The following PSG6 variants were observed in gnomAD, a reference collection of about 807,000 sequenced individuals.
PSG6 encodes the protein pregnancy-specific beta-1-glycoprotein 6.
In PSG6, 51 loss-of-function variants were observed where a neutral mutation model predicts 43.3. The observed-to-expected ratio is 1.18, with a 90% confidence interval of 0.94 to 1.49. The LOEUF is 1.49. Ranked by LOEUF, PSG6 falls within the 40% of genes most tolerant of loss-of-function variation. The probability of loss-of-function intolerance (pLI) is 0.00; values close to 1 mark genes in which losing one functional copy is unlikely to be tolerated. For synonymous variants in PSG6, 292 were observed against 197.6 expected, an observed-to-expected ratio of 1.48 and a Z score of -4.01; for missense variants, 770 against 522.2, an observed-to-expected ratio of 1.47 and a Z score of -4.62.
chr19:42,917,363 C>CT (rs35188962), intron 1 of PSG6, among the ~76,000 whole-genome samples: 7,258 of 123,282 alleles, frequency 0.059, 435 homozygotes, highest in African/African-American at 0.13. Flanking sequence ...TCTTTTTATT[C>CT]TTTTTTTTTT....
intron 1 of PSG6, 112 bp downstream of exon 1, chr19:42,917,617 C>A: frequency 6.1e-6 from 9 of 1,485,224 alleles, no homozygotes; most frequent in Non-Finnish European, 8.3e-6. Flanking sequence ...CCCACCTCAG[C>A]CTCCCTAAGT....
rs147725300 is a variant in PSG6, at chr19:42,910,681, T to C, written c.605A>G (p.Tyr202Cys). ...LQLSKTNRTL[Y>C]LFGVTKYIAG... ...AATATACTTTGTGACACCAAATAGA[T>C]AGAGGGTCCTGTTGGTTTTGGACAG... The change falls in exon 3 of 6, where the codon TAT becomes TGT. Residue 202 changes from tyrosine to cysteine, a missense_variant. Tyr to Cys is a radical substitution (Grantham distance 194). Coordinates refer to ENST00000187910, the MANE Select transcript of PSG6 (RefSeq NM_001031850.4). 1,632 of 1,612,324 alleles carry C rather than the reference T, an allele frequency of 1.0e-3. 34 individuals are homozygous for C. Among genetic ancestry groups the C allele is most frequent in the Non-Finnish European group, 1.2e-3 (1,383 of 1,179,238 alleles).
At chr19:42,903,844 A>T in intron 5 of PSG6, 2 of 1,277,638 alleles carry the variant, frequency 1.6e-6, no homozygotes, top group Non-Finnish European at 2.1e-6. Flanking sequence ...AGTGAGCCAT[A>T]ATCACACCAC....
Position 42,907,615 on chromosome 19 carries a change from C to A in PSG6, c.946G>T (p.Gly316Cys). Residue 316 changes from glycine to cysteine, a missense_variant, in exon 4 of 6, where the codon GGT becomes TGT. By Grantham distance (159) the Gly-to-Cys change is radical. Coordinates refer to ENST00000187910, the MANE Select transcript of PSG6 (RefSeq NM_001031850.4). ...PYQCEIRDRY[G>C]GIRSNPVTLN... ...GTGACTGGGTTACTGCGGATGCCACCATATCGGTCCCGTATTTCACATTGA... is the reference window on the plus strand; with the variant it reads ...GTGACTGGGTTACTGCGGATGCCACAATATCGGTCCCGTATTTCACATTGA... 1 of 1,611,940 alleles carries A rather than the reference C, an allele frequency of 6.2e-7. No individual in the cohort carries two copies. Among genetic ancestry groups the A allele is most frequent in the Non-Finnish European group, 8.5e-7 (1 of 1,179,120 alleles).
intron 4 of PSG6, 57 bp downstream of exon 4, chr19:42,907,519 C>G (rs1189552740): frequency 3.1e-6 from 5 of 1,602,970 alleles, no homozygotes; most frequent in Non-Finnish European, 3.4e-6. Flanking sequence ...GGCCTGGCCT[C>G]TGGTCGTTTG....
At chr19:42,910,916 C>T (rs1972213077) in intron 2 of PSG6, 58 bp from the exon 3 acceptor site, 1 of 1,543,744 alleles carries the variant, frequency 6.5e-7, no homozygotes, top group Admixed American at 2.0e-5. Context: ...CCTCCAAAGG[C>T]ATTTTTCAAT....
intron 2 of PSG6, among the ~76,000 whole-genome samples, chr19:42,912,477 G>C (rs969179762): frequency 2.0e-5 from 3 of 151,712 alleles, no homozygotes; most frequent in Non-Finnish European, 4.4e-5. Context: ...GATGCCAAAG[G>C]TGATTTGAAA....
rs867585769 is a variant in PSG6, at chr19:42,914,630, T to C, written c.427+1495A>G. ...CAAGAGGTAGTGGGGGGATGAAACA[T>C]GGGTGTCAGCCTCTGAAGGACAAGG... On this transcript the variant is annotated intron_variant, in intron 2 of 5. Coordinates refer to ENST00000187910, the MANE Select transcript of PSG6 (RefSeq NM_001031850.4). Among the ~76,000 whole-genome samples the C allele has an allele frequency of 1.1e-4, 17 of 151,410 alleles. 1 individual carries two copies. The Middle Eastern group carries it at 0.014, about 121-fold the overall frequency.
rs1972125431 is a variant in PSG6, at chr19:42,907,014, A to C, written c.1148T>G (p.Ile383Ser). ...ATAGAGCCCGCTATGATTTGTAGTA[A>C]TTTGGGGGATAAAGAGCTTTTGTCC... is the stretch of plus-strand genomic sequence containing the variant. ...LSGQKLFIPQ[I>S]TTNHSGLYAC... is the part of the protein sequence containing the mutation. Residue 383 changes from isoleucine to serine, a missense_variant, in exon 5 of 6, where the codon ATT (isoleucine) becomes AGT (serine). Coordinates refer to ENST00000187910, the MANE Select transcript of PSG6 (RefSeq NM_001031850.4). 6.2e-7 allele frequency: 1 copy of C among 1,612,500 alleles called. No individual in the cohort carries two copies. Among genetic ancestry groups the C allele is most frequent in the Non-Finnish European group, 8.5e-7 (1 of 1,179,132 alleles).
In PSG6 at chr19:42,917,781, G is replaced by T; in HGVS notation, c.12C>A (p.Leu4=). The change falls in exon 1 of 6, where the codon CTC becomes CTA. Residue 4 remains leucine, a synonymous_variant. Transcript: ENST00000187910. MGP[L]SAPPCTQHIT... ...TGTGCTGAGTGCAGGGAGGGGCTGA[G>T]AGGGGTCCCATGGTCTCTGCTGTCT... The T allele has an allele frequency of 6.2e-7, 1 of 1,610,026 alleles. No homozygotes were observed. Among genetic ancestry groups the T allele is most frequent in the South Asian group, 1.1e-5 (1 of 90,540 alleles).
rs564066766 is a variant in PSG6 at position 42,905,291 on chromosome 19, A to G, written c.1240+1631T>C. On this transcript the variant is annotated intron_variant, in intron 5 of 5. Coordinates refer to ENST00000187910, the MANE Select transcript of PSG6 (RefSeq NM_001031850.4). ...GACTTCATAAAAATCAAAACCTTTT[A>G]TATAGCCCATGCAAAGTTCCTCAGC... 2.0e-4 allele frequency among the ~76,000 whole-genome samples: 30 copies of G among 151,808 alleles called. 2 individuals are homozygous for G. Among genetic ancestry groups the G allele is most frequent in the Non-Finnish European group, 4.0e-4 (27 of 67,936 alleles).
chr19:42,907,950 A>C, intron 3 of PSG6, 96 bp from the exon 4 acceptor site: 2 of 1,522,790 alleles, frequency 1.3e-6, no homozygotes, highest in East Asian at 2.3e-5. Context: ...GTCAACCCAC[A>C]TGAGTCCTTG....
chr19:42,907,012 T>C lies in PSG6; in HGVS notation c.1150A>G (p.Thr384Ala), dbSNP rs1247399718. The stretch of plus-strand genomic sequence containing the variant: ...GCATAGAGCCCGCTATGATTTGTAG[T>C]AATTTGGGGGATAAAGAGCTTTTGT... ...SGQKLFIPQI[T>A]TNHSGLYACS... Residue 384 changes from threonine to alanine, a missense_variant, in exon 5 of 6, where the codon ACT becomes GCT. Transcript: ENST00000187910. 1.2e-6 allele frequency: 2 copies of C among 1,612,460 alleles called. No individual in the cohort carries two copies. Among genetic ancestry groups the C allele is most frequent in the Non-Finnish European group, 1.7e-6 (2 of 1,179,126 alleles).
intron 2 of PSG6, among the ~76,000 whole-genome samples, chr19:42,912,267 G>A (rs1240728499): frequency 6.6e-6 from 1 of 151,472 alleles, no homozygotes; most frequent in Admixed American, 6.6e-5. Flanking sequence ...AAGTTGTCAG[G>A]AGTTTAGACC....
Position 42,902,456 on chromosome 19 carries a change from A to G in PSG6, c.1241-10T>C. 2 of 1,610,870 alleles carry G rather than the reference A, an allele frequency of 1.2e-6. No individual in the cohort carries two copies. Among genetic ancestry groups the G allele is most frequent in the Non-Finnish European group, 1.7e-6 (2 of 1,178,216 alleles). ...TTTCCATGGCAGGGACCTGATTGAC[A>G]GAAGGCCCAGGTCAGCGCATTTCAA... is the stretch of plus-strand genomic sequence containing the variant. On this transcript the variant is annotated splice_polypyrimidine_tract_variant and intron_variant, in intron 5 of 5. Coordinates refer to ENST00000187910, the MANE Select transcript of PSG6 (RefSeq NM_001031850.4).
chr19:42,906,960 C>T lies in PSG6; in HGVS notation c.1202G>A (p.Gly401Asp), dbSNP rs1972123485. The stretch of plus-strand genomic sequence containing the variant: ...TATCATGGATTTGGAGATTTCCTTG[C>T]CAGTGGCTGAGTTACGAACAGAGCA... ...YACSVRNSATGKEISKSMIVK... is the reference protein window; with the variant it reads ...YACSVRNSATDKEISKSMIVK... Residue 401 changes from glycine (G) to aspartate (D), a missense_variant, in exon 5 of 6, where the codon GGC (glycine) becomes GAC (aspartate). By Grantham distance (94) the Gly-to-Asp change is moderately conservative (BLOSUM62 -1). Coordinates refer to ENST00000187910, the MANE Select transcript of PSG6 (RefSeq NM_001031850.4). 6.2e-7 allele frequency: 1 copy of T among 1,612,372 alleles called. No individual in the cohort carries two copies.
intron 3 of PSG6, 78 bp from the exon 4 acceptor site, chr19:42,907,932 T>G (rs756881084): frequency 6.4e-7 from 1 of 1,563,108 alleles, no homozygotes; most frequent in African/African-American, 1.4e-5. Context: ...AGTTGGCATC[T>G]CCCACCTGTC....
intron 2 of PSG6, among the ~76,000 whole-genome samples, chr19:42,912,739 A>T (rs1972250887): frequency 6.6e-6 from 1 of 151,760 alleles, no homozygotes; most frequent in Admixed American, 6.6e-5. Flanking sequence ...AGTTTGTGTG[A>T]ATTAGGAAGA....
chr19:42,916,233 G>C lies in PSG6; in HGVS notation c.319C>G (p.Leu107Val). 6.2e-7 allele frequency: 1 copy of C among 1,612,266 alleles called. No homozygotes were observed. ...TCCTCCTGTGTGACATTCTGGATCA[G>C]CAGGGATGCATTGGAATATACTGTT... ...RETVYSNASLLIQNVTQEDAG... is the reference protein window; with the variant it reads ...RETVYSNASLVIQNVTQEDAG... The change falls in exon 2 of 6, where the codon CTG (leucine) becomes GTG (valine). Residue 107 changes from leucine to valine, a missense_variant. Coordinates refer to ENST00000187910, the MANE Select transcript of PSG6 (RefSeq NM_001031850.4).
Sources: allele counts gnomAD v4.1 joint callset (sites outside exome capture counted in the v4.1 genomes callset), GRCh38; gene constraint gnomAD v4.1.1; transcripts MANE v1.5; gene names NCBI Gene and HGNC (gene_info 2026-07-23, HGNC 2026-07-21).